Variants in GFRA2 observed in about 807,000 individuals in gnomAD.
GFRA2 encodes GDNF family receptor alpha 2.
GFRA2 carries 17 observed loss-of-function variants against 48.3 expected under a neutral mutation model. That is an observed-to-expected ratio of 0.35 (90% CI 0.24 to 0.53). The LOEUF is 0.53. Among genes scored for constraint, GFRA2 ranks in the 20% least tolerant of loss-of-function variants. GFRA2 has a pLI of 0.93. For missense variants in GFRA2, 660 were observed against 637.3 expected (o/e 1.04, Z -0.38); for synonymous variants, 305 against 257.2 (o/e 1.19, Z -1.78).
At chr8:21,790,360 C>T (rs938890951), upstream of GFRA2, among the ~76,000 whole-genome samples, 1 of 152,158 alleles carries the variant, frequency 6.6e-6, no homozygotes, top group Non-Finnish European at 1.5e-5. Flanking sequence ...CTGGGCTGCA[C>T]GTAACATGAA....
In GFRA2 at chr8:21,773,640, T is replaced by A. The variant is rs971898913; in HGVS notation, c.439+1332A>T. On this transcript the variant is annotated intron_variant, in intron 3 of 8. Coordinates refer to ENST00000524240, the MANE Select transcript of GFRA2 (RefSeq NM_001495.5). ...CAAGACAAAATGTTATTCCTTGGTA[T>A]TTAATTTCTCTAGTTAGGAAGAATT... Among the ~76,000 whole-genome samples, 23 of 152,366 alleles carry A rather than the reference T, an allele frequency of 1.5e-4. No homozygotes were observed. In the East Asian group the frequency reaches 4.2e-3, roughly 28 times the overall value.
Position 21,693,113 on chromosome 8 carries a change from ACTT to A in GFRA2, c.*162_*164del, listed in dbSNP as rs2117303224. ...CTGCTTGTCTGTTTGGTTTACAAAA[ACTT>A]CTCCAGAGAAGAAACCTGGGAGGAG... On this transcript the variant is annotated 3_prime_UTR_variant, in exon 9 of 9. Transcript: ENST00000524240. 1 of 576,022 alleles carries A rather than the reference ACTT, an allele frequency of 1.7e-6. No individual in the cohort carries two copies. Among genetic ancestry groups the A allele is most frequent in the Admixed American group, 4.1e-5 (1 of 24,318 alleles). The allele number at this position is 576,022 out of a possible 1,614,324, so 35.7% of individuals were successfully genotyped here.
chr8:21,788,488 TG>T lies in GFRA2; in HGVS notation c.-330del. 9.2e-7 allele frequency: 1 copy of T among 1,086,238 alleles called. No homozygotes were observed. The highest frequency in any genetic ancestry group is 1.1e-6 in the Non-Finnish European group (1 of 896,440). 67.3% of individuals were successfully genotyped at this position (1,086,238 alleles called of 1,614,324 possible). The stretch of plus-strand genomic sequence containing the variant: ...TCCCCTCCAATCGTCCGGGAAGGCG[TG>T]AGTCCCCGCGGGTCCAATTCCCCTG... On this transcript the variant is annotated 5_prime_UTR_variant, in exon 1 of 9. Transcript: ENST00000524240.
At position 21,782,931 on chromosome 8, in the gene GFRA2, T is replaced by C. The variant is rs1563264946; in HGVS notation, c.41-32A>G. The stretch of plus-strand genomic sequence containing the variant: ...GGTGGGGAGGGAAGACAAGCATGAA[T>C]GACGGCCGCCACAATCTCCCACCCA... On this transcript the variant is annotated intron_variant, in intron 1 of 8. Coordinates refer to ENST00000524240, the MANE Select transcript of GFRA2 (RefSeq NM_001495.5). The C allele has an allele frequency of 3.2e-5, 49 of 1,523,750 alleles. 1 individual carries two copies. The South Asian group carries it at 5.2e-4, about 16-fold the overall frequency. 94.4% of individuals were successfully genotyped at this position (1,523,750 alleles called of 1,614,324 possible).
chr8:21,696,354 G>C (rs1440089413), intron 7 of GFRA2, among the ~76,000 whole-genome samples: 56 of 152,026 alleles, frequency 3.7e-4, no homozygotes, highest in Admixed American at 3.7e-3. Flanking sequence ...TGGAGTCTTA[G>C]CTGTTTTGTA....
chr8:21,804,483 C>G (rs1018075823), intron 2 of GFRA2, among the ~76,000 whole-genome samples: 5 of 150,706 alleles, frequency 3.3e-5, no homozygotes, highest in Non-Finnish European at 5.9e-5. Context: ...AGGGATGATG[C>G]AAAGTTCTGA....
chr8:21,740,243 C>T (rs969228848), intron 4 of GFRA2, among the ~76,000 whole-genome samples: 5 of 152,188 alleles, frequency 3.3e-5, no homozygotes, highest in African/African-American at 9.7e-5. Context: ...CACTGTTGAG[C>T]TCTCCTCAGC....
chr8:21,734,777 T>C (rs1304987497), intron 4 of GFRA2, among the ~76,000 whole-genome samples: 2 of 152,226 alleles, frequency 1.3e-5, no homozygotes, highest in African/African-American at 2.4e-5. Context: ...CTTTCGTCTA[T>C]CAGATGAAAT....
At chr8:21,748,941 T>A (rs1412907432) in intron 4 of GFRA2, among the ~76,000 whole-genome samples, 1 of 152,164 alleles carries the variant, frequency 6.6e-6, no homozygotes, top group East Asian at 1.9e-4. Flanking sequence ...TTCCCTGGCT[T>A]TCTCCTCCTT....
intron 4 of GFRA2, among the ~76,000 whole-genome samples, chr8:21,716,244 A>G (rs1031069425): frequency 1.3e-5 from 2 of 151,850 alleles, no homozygotes; most frequent in African/African-American, 4.8e-5. Context: ...AACCACTTCA[A>G]TCTGGGATGC....
At chr8:21,811,398 G>A (rs1191334667) in intron 1 of GFRA2, among the ~76,000 whole-genome samples, 2 of 152,110 alleles carry the variant, frequency 1.3e-5, no homozygotes, top group Non-Finnish European at 2.9e-5. Context: ...TAGGGAACTC[G>A]GGATGGGTTT....
At chr8:21,709,808 C>A (rs972170488) in intron 4 of GFRA2, among the ~76,000 whole-genome samples, 2 of 152,204 alleles carry the variant, frequency 1.3e-5, no homozygotes, top group African/African-American at 2.4e-5. Flanking sequence ...ACCCTCAGGA[C>A]CTCGACTGGC....
intron 6 of GFRA2, among the ~76,000 whole-genome samples, chr8:21,704,408 T>C (rs1449270703): frequency 6.6e-6 from 1 of 152,100 alleles, no homozygotes; most frequent in African/African-American, 2.4e-5. Flanking sequence ...CTCGATGACT[T>C]GGATCCCTGA....
At position 21,811,917 on chromosome 8, in the gene GFRA2, G is replaced by C. The variant is rs140863454; in HGVS notation, c.-148+314C>G. ...CATAACTATGCTACATCAGGAAACTGACTTGGTTACAATGTGTGTCTATAG... is the reference window on the plus strand; with the variant it reads ...CATAACTATGCTACATCAGGAAACTCACTTGGTTACAATGTGTGTCTATAG... On this transcript the variant is annotated intron_variant, in intron 1 of 10. Coordinates refer to the GFRA2 transcript ENST00000517328. Among the ~76,000 whole-genome samples the C allele has an allele frequency of 2.0e-3, 301 of 152,278 alleles. 1 individual carries two copies. Among genetic ancestry groups the C allele is most frequent in the African/African-American group, 6.8e-3 (284 of 41,528 alleles).
intron 7 of GFRA2, among the ~76,000 whole-genome samples, chr8:21,700,823 A>AC (rs938124857): frequency 2.6e-5 from 4 of 151,670 alleles, no homozygotes; most frequent in African/African-American, 9.7e-5. Context: ...AGGCTCCCCC[A>AC]CCCTTCCTCC....
At chr8:21,806,473 G>C (rs1010791942) in intron 1 of GFRA2, among the ~76,000 whole-genome samples, 2 of 152,156 alleles carry the variant, frequency 1.3e-5, no homozygotes, top group African/African-American at 4.8e-5. Flanking sequence ...TATATTAAGT[G>C]CATTTTTTTG....
At position 21,742,654 on chromosome 8, in the gene GFRA2, C is replaced by T. The variant is rs1462556529; in HGVS notation, c.794+7934G>A. On this transcript the variant is annotated intron_variant, in intron 4 of 8. Transcript: ENST00000524240. ...CAGGGTGGCTGAAAGTGTGTCTGCC[C>T]CTGTGTGAACAAACACACGCCCAGT... Among the ~76,000 whole-genome samples, 3 of 152,280 alleles carry T rather than the reference C, an allele frequency of 2.0e-5. No individual in the cohort carries two copies. In the East Asian group the frequency reaches 5.8e-4, roughly 29 times the overall value.
intron 3 of GFRA2, among the ~76,000 whole-genome samples, chr8:21,770,536 T>G (rs1202322298): frequency 1.3e-5 from 2 of 152,164 alleles, no homozygotes; most frequent in East Asian, 3.9e-4. Context: ...TTCTGTCAGG[T>G]GAAGGAGTGG....
intron 1 of GFRA2, among the ~76,000 whole-genome samples, chr8:21,785,104 C>A (rs1008807655): frequency 6.6e-6 from 1 of 152,222 alleles, no homozygotes; most frequent in Non-Finnish European, 1.5e-5. Context: ...AATGGAACTT[C>A]CTGGCTTCCT....
Sources: allele counts gnomAD v4.1 joint callset (sites outside exome capture counted in the v4.1 genomes callset), GRCh38; gene constraint gnomAD v4.1.1; transcripts MANE v1.5; gene names NCBI Gene and HGNC (gene_info 2026-07-23, HGNC 2026-07-21).